The following CFAP46 variants were observed in gnomAD, a reference collection of about 807,000 sequenced individuals.
CFAP46 encodes cilia and flagella associated protein 46, also known as cilia- and flagella-associated protein 46.
CFAP46 carries 245 observed loss-of-function variants against 325.7 expected under a neutral mutation model. That is an observed-to-expected ratio of 0.75 (90% CI 0.68 to 0.84). CFAP46 has a LOEUF of 0.84. Ranked by LOEUF, CFAP46 falls within the 40% of genes least tolerant of loss-of-function variation. The pLI is 0.00. For synonymous variants in CFAP46, 1,523 were observed against 1,495.9 expected, an observed-to-expected ratio of 1.02 and a Z score of -0.42; for missense variants, 3,346 against 3,543.0, an observed-to-expected ratio of 0.94 and a Z score of 1.41.
Position 132,832,973 on chromosome 10 carries a change from TAC to T in CFAP46, c.7117+383_7117+384del, listed in dbSNP as rs1293834998. Among the ~76,000 whole-genome samples the T allele has an allele frequency of 7.9e-5, 12 of 152,282 alleles. No homozygotes were observed. In the East Asian group the frequency reaches 2.1e-3, roughly 27 times the overall value. On this transcript the variant is annotated intron_variant, in intron 50 of 57. Coordinates refer to ENST00000368586, the MANE Select transcript of CFAP46 (RefSeq NM_001200049.3). This position sits in a 1 kb window ranked among gnomAD's most constrained non-coding sequence, Gnocchi z 4.1. ...AAATAGTTTTGAGTGTTTATATATA[TAC>T]ATATATATTTTATTTTTGACAGGGT...
chr10:132,913,110 G>A lies in CFAP46; in HGVS notation c.2269C>T (p.Gln757Ter). Reference protein sequence around the residue: ...HNHHLILAGRQKELVDALYHL... With the variant: ...HNHHLILAGR ...TACAGGGCGTCCACCAGCTCCTTCT[G>A]CCGCCCGGCCAGGATCAGGTGGTGG... The change falls in exon 18 of 58, where the codon CAG (glutamine) becomes TAG (stop). Residue 757 changes from glutamine to a stop codon, truncating the protein, a stop_gained. Coordinates refer to ENST00000368586, the MANE Select transcript of CFAP46 (RefSeq NM_001200049.3). LOFTEE classifies it high-confidence loss of function. 1 of 1,550,432 alleles carries A rather than the reference G, an allele frequency of 6.4e-7. No homozygotes were observed.
intron 29 of CFAP46, among the ~76,000 whole-genome samples, 154 bp from the exon 30 acceptor site, chr10:132,878,241 G>C (rs1305867415): frequency 6.6e-6 from 1 of 152,218 alleles, no homozygotes; most frequent in Non-Finnish European, 1.5e-5. Flanking sequence ...CTGCCATCAG[G>C]GGAGCCCCTA....
intron 8 of CFAP46, among the ~76,000 whole-genome samples, chr10:132,930,415 C>G (rs184027849): frequency 1.4e-5 from 2 of 147,518 alleles, no homozygotes; most frequent in East Asian, 4.2e-4. Context: ...AGAGCCTGAG[C>G]CTTCCTTCTT....
chr10:132,885,368 C>A, intron 26 of CFAP46, 82 bp from the exon 27 acceptor site: 1 of 1,321,110 alleles, frequency 7.6e-7, no homozygotes, highest in South Asian at 1.5e-5. Context: ...CGGACTTATT[C>A]CTCCACCTCC....
chr10:132,821,302 CTG>C lies in CFAP46; in HGVS notation c.7118-6390_7118-6389del, dbSNP rs1267219694. 9.0e-5 allele frequency among the ~76,000 whole-genome samples: 9 copies of C among 100,544 alleles called. No homozygotes were observed. The South Asian group carries it at 2.8e-3, about 32-fold the overall frequency. 66.0% of individuals were successfully genotyped at this position (100,544 alleles called of 152,430 possible). On this transcript the variant is annotated intron_variant, in intron 50 of 57. Transcript: ENST00000368586. ...TGAGTGCTGATGTGTGCTGTGTGTG[CTG>C]TGTGTTGTGTGTGCTGTGTGAGTGC...
At chr10:132,898,431 G>A (rs1448344022) in intron 24 of CFAP46, 1 of 256,858 alleles carries the variant, frequency 3.9e-6, no homozygotes, top group African/African-American at 2.2e-5. Flanking sequence ...CTAGAAGGAG[G>A]TGCACTCTTG....
Position 132,909,976 on chromosome 10 carries a change from G to A in CFAP46, c.2592C>T (p.Val864=). Residue 864 remains valine (V), a synonymous_variant, in exon 20 of 58, where the codon GTC becomes GTT. Transcript: ENST00000368586. ...GCTGCTGCAGCAGCTGCTTGGCCTT[G>A]ACCCAGGTGGCGATAAGCTGCTGCC... ...GTRQQLIATW[V]KAKQLLQQQI... 4 of 1,542,140 alleles carry A rather than the reference G, an allele frequency of 2.6e-6. No individual in the cohort carries two copies. The highest frequency in any genetic ancestry group is 3.5e-6 in the Non-Finnish European group (4 of 1,144,252).
intron 35 of CFAP46, among the ~76,000 whole-genome samples, chr10:132,862,953 C>T (rs1564782938): frequency 1.3e-5 from 2 of 152,082 alleles, no homozygotes; most frequent in Non-Finnish European, 2.9e-5. Flanking sequence ...GGTAGGAGGC[C>T]TTCAGGCAAG....
At chr10:132,851,807 T>C (rs1848552274) in intron 39 of CFAP46, among the ~76,000 whole-genome samples, 1 of 152,262 alleles carries the variant, frequency 6.6e-6, no homozygotes, top group African/African-American at 2.4e-5. Flanking sequence ...GCTGCCAACA[T>C]TCATGTGCAA....
intron 50 of CFAP46, among the ~76,000 whole-genome samples, chr10:132,821,016 C>A (rs111210372): frequency 1.1e-5 from 1 of 95,168 alleles, no homozygotes; most frequent in Non-Finnish European, 2.0e-5. Flanking sequence ...GCTGTGTGTG[C>A]TGTGTGCTGT....
intron 39 of CFAP46, among the ~76,000 whole-genome samples, chr10:132,852,314 C>G (rs80093639): frequency 2.1e-5 from 1 of 47,646 alleles, no homozygotes; most frequent in Non-Finnish European, 4.5e-5. Context: ...GTGGTATGTT[C>G]CTCCATTTAC....
chr10:132,928,166 A>C (rs752528547), intron 9 of CFAP46, among the ~76,000 whole-genome samples: 20 of 152,186 alleles, frequency 1.3e-4, no homozygotes, highest in Non-Finnish European at 2.5e-4. Context: ...GTTCCACAGC[A>C]GCCCTTGGAG....
chr10:132,940,049 G>A (rs1032665249), intron 4 of CFAP46, among the ~76,000 whole-genome samples: 12 of 152,094 alleles, frequency 7.9e-5, no homozygotes, highest in African/African-American at 2.2e-4. Context: ...CCACTCCCGC[G>A]TCACAGCACC....
chr10:132,871,493 A>G (rs951405040), intron 32 of CFAP46, among the ~76,000 whole-genome samples: 6 of 152,250 alleles, frequency 3.9e-5, no homozygotes. Context: ...TTCCTGATTC[A>G]TGGGAGGAGG....
At chr10:132,810,520 T>C (rs769382971) in intron 56 of CFAP46, 31 bp from the exon 57 acceptor site, 9 of 1,593,258 alleles carry the variant, frequency 5.6e-6, no homozygotes, top group Admixed American at 3.3e-5. Flanking sequence ...CAGGAGGGCA[T>C]GGACACCCTG....
At chr10:132,859,948 G>C (rs891285389) in intron 37 of CFAP46, among the ~76,000 whole-genome samples, 1 of 152,194 alleles carries the variant, frequency 6.6e-6, no homozygotes, top group Non-Finnish European at 1.5e-5. Context: ...CCAGCAACTC[G>C]GGAGGCTGAG....
rs988189308 is a variant in CFAP46 at position 132,924,824 on chromosome 10, G to A, written c.1128C>T (p.Asp376=). ...VALQRAVRLG[D]PRVIHVVCAT... Reference sequence around the variant, plus strand: ...CGCACACCACGTGGATGACCCGGGGGTCGCCCAGGCGCACGGCTCGCTGCA... The same window carrying A: ...CGCACACCACGTGGATGACCCGGGGATCGCCCAGGCGCACGGCTCGCTGCA... The change falls in exon 11 of 58, where the codon GAC becomes GAT. Residue 376 remains aspartate (D), a synonymous_variant. Coordinates refer to ENST00000368586, the MANE Select transcript of CFAP46 (RefSeq NM_001200049.3). 3 of 1,461,824 alleles carry A rather than the reference G, an allele frequency of 2.1e-6. No homozygotes were observed. Among genetic ancestry groups the A allele is most frequent in the Middle Eastern group, 1.8e-4 (1 of 5,630 alleles). 90.6% of individuals were successfully genotyped at this position (1,461,824 alleles called of 1,614,324 possible). A position where few individuals can be genotyped will look rare whatever the true frequency, so the allele number is the denominator to read the frequency against.
At chr10:132,867,333 C>CGCTGGGCTGCGGGTCAGAGGGAT in intron 34 of CFAP46, 42 bp downstream of exon 34, 1 of 1,532,068 alleles carries the variant, frequency 6.5e-7, no homozygotes, top group African/African-American at 1.4e-5. Flanking sequence ...CACCGGCGCC[C>CGCTGGGCTGCGGGTCAGAGGGAT]GCTGGGCTGC....
rs957268635 is a variant in CFAP46, at chr10:132,877,530, C to T, written c.4212+351G>A. On this transcript the variant is annotated intron_variant, in intron 30 of 57. Coordinates refer to ENST00000368586, the MANE Select transcript of CFAP46 (RefSeq NM_001200049.3). This position sits in a 1 kb window ranked among gnomAD's most constrained non-coding sequence, Gnocchi z 5.7. ...GCCTCTGAGCCTGGCAGACCTGGGA[C>T]AACGTGCTCTGTGCAAACTGCGTGC... Among the ~76,000 whole-genome samples the T allele has an allele frequency of 1.3e-5, 2 of 152,232 alleles. No homozygotes were observed. The highest frequency in any genetic ancestry group is 2.4e-5 in the African/African-American group (1 of 41,464).
Sources: gnomAD v4.1 joint callset for allele counts (sites outside exome capture counted in the v4.1 genomes callset) on GRCh38, gnomAD v4.1.1 for gene constraint, Gnocchi (gnomAD v3.1) non-coding constraint, MANE v1.5 for transcripts, NCBI Gene and HGNC (gene_info 2026-07-23, HGNC 2026-07-21) for gene names.